Variants in DIP2C observed in about 807,000 individuals in gnomAD.
DIP2C encodes DIP2 acetate--CoA ligase C (putative), also known as disco-interacting protein 2 homolog C.
In DIP2C, 33 loss-of-function variants were observed where a neutral mutation model predicts 192.4. The observed-to-expected ratio is 0.17, with a 90% CI of 0.13 to 0.23. DIP2C has a LOEUF of 0.23. Among genes scored for constraint, DIP2C ranks in the 10% least tolerant of loss-of-function variants. DIP2C has a pLI of 1.00. For missense variants in DIP2C, 1,537 were observed against 2,110.1 expected, an observed-to-expected ratio of 0.73 and a Z score of 5.32; for synonymous variants, 979 against 864.1, an observed-to-expected ratio of 1.13 and a Z score of -2.33.
At chr10:333,091 C>G (rs1014618090) in intron 29 of DIP2C, among the ~76,000 whole-genome samples, 1 of 152,096 alleles carries the variant, frequency 6.6e-6, no homozygotes, top group African/African-American at 2.4e-5. Context: ...TTAGCAGAGA[C>G]GAGGTTTCAT....
intron 1 of DIP2C, among the ~76,000 whole-genome samples, chr10:515,702 C>A (rs1846307185): frequency 6.9e-6 from 1 of 144,328 alleles, no homozygotes; most frequent in Admixed American, 7.0e-5. Flanking sequence ...CCAGCCTGGG[C>A]AACAGAGTGA....
chr10:405,151 C>A (rs77128669), intron 9 of DIP2C, among the ~76,000 whole-genome samples: 39 of 152,342 alleles, frequency 2.6e-4, no homozygotes, highest in African/African-American at 9.4e-4. Flanking sequence ...AGAGTCTTCA[C>A]CAAGGGCAGA....
chr10:662,624 C>G (rs1856828737), intron 1 of DIP2C, among the ~76,000 whole-genome samples: 1 of 152,156 alleles, frequency 6.6e-6, no homozygotes, highest in Non-Finnish European at 1.5e-5. Context: ...AAGATGGATG[C>G]CTTTCAAAGA....
chr10:551,162 C>CA (rs913063138), intron 1 of DIP2C, among the ~76,000 whole-genome samples: 7 of 152,356 alleles, frequency 4.6e-5, no homozygotes, highest in African/African-American at 1.4e-4. Flanking sequence ...CTCCAACACC[C>CA]ACAGCCAGTC....
chr10:306,505 T>C (rs1956329276), intron 32 of DIP2C, among the ~76,000 whole-genome samples: 1 of 152,204 alleles, frequency 6.6e-6, no homozygotes, highest in African/African-American at 2.4e-5. Context: ...GCAGGTGCCT[T>C]GGAGCTCGCA....
chr10:367,111 T>G (rs973757926), intron 18 of DIP2C, among the ~76,000 whole-genome samples: 2 of 152,134 alleles, frequency 1.3e-5, no homozygotes, highest in Admixed American at 1.3e-4. Context: ...TAAGTTAAAC[T>G]CACAGGAAGA....
chr10:512,374 C>G (rs1846071972), intron 1 of DIP2C, among the ~76,000 whole-genome samples: 1 of 151,736 alleles, frequency 6.6e-6, no homozygotes, highest in Non-Finnish European at 1.5e-5. Context: ...GCCTGGGAAA[C>G]ATGGCAAAAC....
chr10:514,591 T>G (rs1846232966), intron 1 of DIP2C, among the ~76,000 whole-genome samples: 1 of 152,166 alleles, frequency 6.6e-6, no homozygotes, highest in Non-Finnish European at 1.5e-5. Context: ...GACCGCGGGT[T>G]CCAGGGCTGC....
chr10:658,033 T>TGGACCTGCCCC (rs1856500524), intron 1 of DIP2C, among the ~76,000 whole-genome samples: 1 of 42,394 alleles, frequency 2.4e-5, no homozygotes, highest in Non-Finnish European at 4.8e-5. Flanking sequence ...GGACCTGCCC[T>TGGACCTGCCCC]TGGACCTGTC....
intron 1 of DIP2C, among the ~76,000 whole-genome samples, chr10:534,251 G>A (rs1847572981): frequency 6.6e-6 from 1 of 152,194 alleles, no homozygotes; most frequent in Admixed American, 6.5e-5. Flanking sequence ...GTGCGAAACG[G>A]GGAGGTGCAA....
intron 32 of DIP2C, among the ~76,000 whole-genome samples, chr10:294,412 GC>G (rs1955645580): frequency 6.6e-6 from 1 of 152,002 alleles, no homozygotes. Context: ...TTTGAGACCA[GC>G]CTAGGCAATG....
chr10:448,116 T>G (rs1196805738), intron 3 of DIP2C, among the ~76,000 whole-genome samples: 1 of 72,464 alleles, frequency 1.4e-5, no homozygotes, highest in Non-Finnish European at 2.3e-5. Flanking sequence ...GACCCACTCA[T>G]CCCCATCTAT....
intron 16 of DIP2C, among the ~76,000 whole-genome samples, chr10:383,360 G>A (rs953700923): frequency 2.3e-4 from 35 of 152,162 alleles, no homozygotes; most frequent in African/African-American, 7.7e-4. Flanking sequence ...AACGTTGCAT[G>A]TTTCATAAAT....
chr10:404,765 T>C (rs1286013531), intron 9 of DIP2C, among the ~76,000 whole-genome samples: 2 of 152,230 alleles, frequency 1.3e-5, no homozygotes, highest in Non-Finnish European at 2.9e-5. Flanking sequence ...ATTTCTATAG[T>C]CCACTACAAT....
intron 1 of DIP2C, among the ~76,000 whole-genome samples, chr10:552,450 G>A (rs963215014): frequency 4.6e-5 from 7 of 152,216 alleles, no homozygotes; most frequent in South Asian, 2.1e-4. Context: ...CTTATTATTC[G>A]AATACATTAA....
At chr10:602,368 T>G (rs768662200) in intron 1 of DIP2C, among the ~76,000 whole-genome samples, 28 of 152,188 alleles carry the variant, frequency 1.8e-4, no homozygotes, top group Non-Finnish European at 1.0e-4. Context: ...ATCGCAGCCC[T>G]AACACCACAG....
At chr10:279,379 G>A (rs1037506322) in intron 36 of DIP2C, among the ~76,000 whole-genome samples, 7 of 152,106 alleles carry the variant, frequency 4.6e-5, no homozygotes, top group Admixed American at 3.3e-4. Context: ...TTGGCTCTCC[G>A]GAGGAATCAG....
chr10:355,123 C>A (rs1381539910), intron 24 of DIP2C, among the ~76,000 whole-genome samples: 1 of 152,148 alleles, frequency 6.6e-6, no homozygotes, highest in Non-Finnish European at 1.5e-5. Context: ...GAGCTCTCAG[C>A]GTGGGGCAGG....
chr10:601,890 G>A (rs369889513), intron 1 of DIP2C, among the ~76,000 whole-genome samples: 2 of 152,166 alleles, frequency 1.3e-5, no homozygotes, highest in African/African-American at 4.8e-5. Context: ...AGGAGAGAAC[G>A]GGAGGAACCA....
Sources: allele counts gnomAD v4.1 joint callset (sites outside exome capture counted in the v4.1 genomes callset), GRCh38; gene constraint gnomAD v4.1.1; transcripts MANE v1.5; gene names NCBI Gene and HGNC (gene_info 2026-07-23, HGNC 2026-07-21).